RFX4: variants seen among roughly 807,000 people sequenced by gnomAD.
The protein encoded by RFX4 is regulatory factor X4.
RFX4 carries 10 observed loss-of-function variants against 95.0 expected under a neutral mutation model. That is an observed-to-expected ratio of 0.11 (90% CI 0.06 to 0.18). The LOEUF (loss-of-function observed/expected upper bound fraction) is 0.18. Ranked by LOEUF, RFX4 falls within the 10% of genes least tolerant of loss-of-function variation. The pLI, the probability that RFX4 is intolerant of heterozygous loss-of-function variation, is 1.00. For missense variants in RFX4, 640 were observed against 922.0 expected (o/e 0.69, Z 3.96); for synonymous variants, 321 against 340.7 (o/e 0.94, Z 0.64).
intron 4 of RFX4, among the ~76,000 whole-genome samples, chr12:106,678,791 C>A (rs1032824662): frequency 6.6e-6 from 1 of 152,100 alleles, no homozygotes; most frequent in Non-Finnish European, 1.5e-5. Context: ...ACATTATAAG[C>A]ATTTTCTGTG....
At chr12:106,691,346 C>T (rs1347141454) in intron 7 of RFX4, among the ~76,000 whole-genome samples, 1 of 152,218 alleles carries the variant, frequency 6.6e-6, no homozygotes, top group African/African-American at 2.4e-5. Context: ...TGGCCAAGGT[C>T]ACACAGTTGG....
chr12:106,742,056 C>A (rs1311150448), intron 15 of RFX4, among the ~76,000 whole-genome samples: 2 of 151,984 alleles, frequency 1.3e-5, no homozygotes, highest in Non-Finnish European at 2.9e-5. Context: ...GGGTTGGGGA[C>A]CCCTGGGTTA....
intron 3 of RFX4, among the ~76,000 whole-genome samples, chr12:106,652,385 CAATA>C (rs1442703364): frequency 6.6e-6 from 1 of 152,146 alleles, no homozygotes; most frequent in Admixed American, 6.5e-5. Flanking sequence ...GTGATAAGAT[CAATA>C]AATATTTGTT....
intron 7 of RFX4, among the ~76,000 whole-genome samples, chr12:106,695,656 A>G (rs2041865235): frequency 6.6e-6 from 1 of 152,194 alleles, no homozygotes; most frequent in African/African-American, 2.4e-5. Context: ...CACATAGCTT[A>G]CCACTCAGGT....
intron 3 of RFX4, among the ~76,000 whole-genome samples, chr12:106,653,336 C>A (rs1014043419): frequency 6.6e-6 from 1 of 152,186 alleles, no homozygotes; most frequent in African/African-American, 2.4e-5. Context: ...AGAGGAAGAA[C>A]GAATCATGAG....
intron 4 of RFX4, among the ~76,000 whole-genome samples, chr12:106,672,109 C>A (rs2041293279): frequency 6.6e-6 from 1 of 152,156 alleles, no homozygotes. Context: ...ATTGTTTGAA[C>A]ATGCCATCTC....
intron 4 of RFX4, among the ~76,000 whole-genome samples, chr12:106,668,880 T>G (rs1466562505): frequency 6.6e-6 from 1 of 152,234 alleles, no homozygotes. Flanking sequence ...GCTGAACTTT[T>G]CAGGAAAAGG....
chr12:106,587,541 G>A lies in RFX4; in HGVS notation c.43+4178G>A, dbSNP rs1353851391. ...CCATCCTGCTTCCCAGAGGCTCCGA[G>A]GTCTCTAATTTCTCTCCAGCAGCTA... On this transcript the variant is annotated intron_variant, in intron 1 of 17. Transcript: ENST00000392842. 2.6e-5 allele frequency among the ~76,000 whole-genome samples: 4 copies of A among 152,292 alleles called. No individual in the cohort carries two copies. In the East Asian group the frequency reaches 7.7e-4, roughly 29 times the overall value.
rs115683394 is a variant in RFX4, at chr12:106,646,946, G to A, written c.192-7282G>A. 7.6e-3 allele frequency among the ~76,000 whole-genome samples: 1,159 copies of A among 152,264 alleles called. 18 individuals carry two copies. Among genetic ancestry groups the A allele is most frequent in the African/African-American group, 0.027 (1,105 of 41,512 alleles). ...CTCGTCTACTTGGCAGCAAAGCATGGCTTAATGGTTGTGTAATGAAATAGA... is the reference window on the plus strand; with the variant it reads ...CTCGTCTACTTGGCAGCAAAGCATGACTTAATGGTTGTGTAATGAAATAGA... On this transcript the variant is annotated intron_variant, in intron 3 of 17. Transcript: ENST00000392842.
chr12:106,722,365 G>A (rs1387162779), intron 13 of RFX4, among the ~76,000 whole-genome samples: 19 of 152,130 alleles, frequency 1.2e-4, no homozygotes, highest in Admixed American at 1.0e-3. Flanking sequence ...AACTGACCAC[G>A]TATGGTAGCA....
At chr12:106,612,219 T>C (rs528912993) in intron 2 of RFX4, among the ~76,000 whole-genome samples, 6 of 152,248 alleles carry the variant, frequency 3.9e-5, no homozygotes, top group African/African-American at 7.2e-5. Context: ...ATCTTAATAG[T>C]AAGTCTTCCA....
chr12:106,720,630 G>A lies in RFX4; in HGVS notation c.1234-129G>A, dbSNP rs2042379500. The stretch of plus-strand genomic sequence containing the variant: ...AACTCCTAGGCTCATGCGATCATCC[G>A]CCCACCTTGGCCTCCCAAAGTGCTG... On this transcript the variant is annotated intron_variant, in intron 12 of 17. Coordinates refer to ENST00000392842, the MANE Select transcript of RFX4 (RefSeq NM_213594.3). The surrounding 1 kb of genome is among the most constrained non-coding windows in gnomAD (Gnocchi z 4.2). 1.2e-6 allele frequency: 1 copy of A among 812,128 alleles called. No homozygotes were observed. The highest frequency in any genetic ancestry group is 2.1e-6 in the Non-Finnish European group (1 of 482,868). The allele number at this position is 812,128 out of a possible 1,614,324, so 50.3% of individuals were successfully genotyped here. A position where few individuals can be genotyped will look rare whatever the true frequency, so the allele number is the denominator to read the frequency against.
chr12:106,743,961 CT>C (rs1201738823), intron 15 of RFX4, among the ~76,000 whole-genome samples: 1 of 152,114 alleles, frequency 6.6e-6, no homozygotes, highest in African/African-American at 2.4e-5. Flanking sequence ...TAATGTTTTT[CT>C]TTTTACGGAG....
At chr12:106,756,815 ATAT>A (rs772488207) in intron 17 of RFX4, among the ~76,000 whole-genome samples, 48 of 152,326 alleles carry the variant, frequency 3.2e-4, no homozygotes, top group Non-Finnish European at 4.6e-4. Context: ...CATAGTTATA[ATAT>A]TATATTTAGG....
Position 106,761,901 on chromosome 12 carries a change from A to G in RFX4, c.*432A>G, listed in dbSNP as rs572813768. ...TTCTTGGATGGGCACATAATTTACC[A>G]AGAGCATTCACCTTGCCATCTGTCT... On this transcript the variant is annotated 3_prime_UTR_variant, in exon 18 of 18. Coordinates refer to ENST00000392842, the MANE Select transcript of RFX4 (RefSeq NM_213594.3). The G allele has an allele frequency of 3.3e-5, 5 of 153,546 alleles. No individual in the cohort carries two copies. In the South Asian group the frequency reaches 1.0e-3, roughly 32 times the overall value. The allele number at this position is 153,546 out of a possible 1,614,324, so 9.5% of individuals were successfully genotyped here.
intron 10 of RFX4, among the ~76,000 whole-genome samples, chr12:106,712,530 G>A (rs963106030): frequency 6.6e-6 from 1 of 152,106 alleles, no homozygotes. Context: ...TGGTAGGGAG[G>A]GGTTTCTAGT....
At chr12:106,630,112 G>C (rs952148767) in intron 2 of RFX4, among the ~76,000 whole-genome samples, 1 of 151,792 alleles carries the variant, frequency 6.6e-6, no homozygotes, top group Non-Finnish European at 1.5e-5. Context: ...TTTTTCTTTT[G>C]GTTCTTGGTC....
intron 15 of RFX4, 127 bp from the exon 16 acceptor site, chr12:106,747,310 G>A: frequency 2.0e-6 from 2 of 992,900 alleles, no homozygotes; most frequent in Non-Finnish European, 1.5e-6. Flanking sequence ...GCTCAGCAGA[G>A]TCAGAGATAC....
intron 8 of RFX4, among the ~76,000 whole-genome samples, chr12:106,705,843 T>C (rs1033491243): frequency 6.6e-6 from 1 of 152,226 alleles, no homozygotes; most frequent in Non-Finnish European, 1.5e-5. Context: ...GCATTTCTTA[T>C]GTGCCTACTA....
Sources: allele counts gnomAD v4.1 joint callset (sites outside exome capture counted in the v4.1 genomes callset), GRCh38; gene constraint gnomAD v4.1.1; non-coding constraint Gnocchi (gnomAD v3.1); transcripts MANE v1.5; gene names NCBI Gene and HGNC (gene_info 2026-07-23, HGNC 2026-07-21).